Variants in CDH12 observed in about 807,000 individuals in gnomAD.
The protein encoded by CDH12 is cadherin 12, also known as cadherin-12.
CDH12 carries 41 observed loss-of-function variants against 74.1 expected under a neutral mutation model. That is an observed-to-expected ratio of 0.55 (90% confidence interval 0.43 to 0.72). The LOEUF (loss-of-function observed/expected upper bound fraction) is 0.72, where lower values mean the gene tolerates loss of function less well. Among genes scored for constraint, CDH12 ranks in the 30% least tolerant of loss-of-function variants. The pLI is 0.00. For synonymous variants in CDH12, 399 were observed against 355.0 expected (o/e 1.12, Z -1.39); for missense variants, 945 against 977.2 (o/e 0.97, Z 0.44).
At chr5:21,899,560 A>G (rs781055142) in intron 6 of CDH12, among the ~76,000 whole-genome samples, 2 of 152,158 alleles carry the variant, frequency 1.3e-5, no homozygotes, top group African/African-American at 2.4e-5. Flanking sequence ...AAACTCATTT[A>G]CAATTTAAAA....
In CDH12 at chr5:22,090,119, T is replaced by C. The variant is rs1223229752; in HGVS notation, c.-186-11257A>G. 2.6e-5 allele frequency among the ~76,000 whole-genome samples: 4 copies of C among 152,052 alleles called. No individual in the cohort carries two copies. In the East Asian group the frequency reaches 7.7e-4, roughly 29 times the overall value. ...AAATAAACACACCAAATTGTTCCTTTGAAAGGATTAACAAAATTAACAAAT... is the reference window on the plus strand; with the variant it reads ...AAATAAACACACCAAATTGTTCCTTCGAAAGGATTAACAAAATTAACAAAT... On this transcript the variant is annotated intron_variant, in intron 4 of 14. Transcript: ENST00000382254.
intron 3 of CDH12, among the ~76,000 whole-genome samples, chr5:22,219,542 C>T (rs1332543846): frequency 6.6e-6 from 1 of 151,654 alleles, no homozygotes; most frequent in African/African-American, 2.4e-5. Context: ...CTTTATTTCC[C>T]TTATTAAAAT....
At chr5:22,132,040 T>G (rs1195840272) in intron 4 of CDH12, among the ~76,000 whole-genome samples, 49 of 152,214 alleles carry the variant, frequency 3.2e-4, no homozygotes, top group African/African-American at 1.1e-3. Context: ...TATAGGATAT[T>G]TTGCCTTTGG....
chr5:22,008,938 C>T (rs1737126129), intron 5 of CDH12, among the ~76,000 whole-genome samples: 1 of 152,174 alleles, frequency 6.6e-6, no homozygotes, highest in African/African-American at 2.4e-5. Context: ...ATCTTCCATC[C>T]TCTTCTATGG....
At chr5:22,409,656 G>C (rs376250316) in intron 2 of CDH12, among the ~76,000 whole-genome samples, 1 of 151,982 alleles carries the variant, frequency 6.6e-6, no homozygotes, top group East Asian at 1.9e-4. Context: ...TATTATAATT[G>C]AGGACTAAGC....
chr5:22,535,156 T>TC lies in CDH12; in HGVS notation c.-522-29793_-522-29792insG, dbSNP rs1385226103. Among the ~76,000 whole-genome samples the TC allele has an allele frequency of 2.6e-4, 34 of 131,404 alleles. 1 individual carries two copies. The highest frequency in any genetic ancestry group is 9.6e-4 in the African/African-American group (34 of 35,352). 86.2% of individuals were successfully genotyped at this position (131,404 alleles called of 152,430 possible). ...CTGGCTAATTTTCTTTTTTTTTTTT[T>TC]TCTTTTTTTTTTTTTTTTGAGACGG... On this transcript the variant is annotated intron_variant, in intron 1 of 14. Transcript: ENST00000382254.
intron 1 of CDH12, among the ~76,000 whole-genome samples, chr5:22,653,776 TG>T (rs1739863844): frequency 6.6e-6 from 1 of 152,198 alleles, no homozygotes. Context: ...ATTCATACCG[TG>T]GTCCACACGT....
chr5:22,676,717 TCA>T (rs1434043483), intron 1 of CDH12, among the ~76,000 whole-genome samples: 1 of 152,202 alleles, frequency 6.6e-6, no homozygotes, highest in African/African-American at 2.4e-5. Context: ...ACATAAGTAT[TCA>T]CAGTGTGGTA....
intron 4 of CDH12, among the ~76,000 whole-genome samples, chr5:22,179,716 C>A (rs1352507688): frequency 6.6e-6 from 1 of 152,088 alleles, no homozygotes; most frequent in South Asian, 2.1e-4. Flanking sequence ...AATTAAGCAA[C>A]GATTTCAGAA....
chr5:22,695,838 G>A (rs1181226879), intron 1 of CDH12, among the ~76,000 whole-genome samples: 1 of 151,986 alleles, frequency 6.6e-6, no homozygotes, highest in Non-Finnish European at 1.5e-5. Context: ...CTTACTGTGT[G>A]CTCTGTGCAT....
chr5:22,422,782 T>G (rs567965957), intron 2 of CDH12, among the ~76,000 whole-genome samples: 13 of 152,256 alleles, frequency 8.5e-5, no homozygotes, highest in Admixed American at 3.9e-4. Flanking sequence ...AAATTATCCA[T>G]GAAATACCTC....
intron 3 of CDH12, among the ~76,000 whole-genome samples, chr5:22,258,823 GTGTAGGAGGCTATGCCACCTAGGT>G (rs1345132956): frequency 6.6e-6 from 1 of 152,156 alleles, no homozygotes; most frequent in Non-Finnish European, 1.5e-5. Context: ...TAGCCTAGGT[GTGTAGGAGGCTATGCCACCTAGGT>G]TTGCGTTAAG....
chr5:21,949,275 C>T (rs191403988), intron 6 of CDH12, among the ~76,000 whole-genome samples: 3,472 of 151,314 alleles, frequency 0.023, 63 homozygotes, highest in Middle Eastern at 0.034. Flanking sequence ...ATGGTGAAAC[C>T]CCATCTCTAC....
chr5:22,363,254 T>G (rs548354650), intron 3 of CDH12, among the ~76,000 whole-genome samples: 1 of 152,240 alleles, frequency 6.6e-6, no homozygotes, highest in African/African-American at 2.4e-5. Context: ...CATTACAAAC[T>G]TCTTAAATTT....
chr5:22,556,985 C>G (rs1738828526), intron 1 of CDH12, among the ~76,000 whole-genome samples: 1 of 151,946 alleles, frequency 6.6e-6, no homozygotes, highest in Non-Finnish European at 1.5e-5. Flanking sequence ...TCACACTGAC[C>G]AACCTCTCCG....
At chr5:21,934,689 ACT>A (rs923163470) in intron 6 of CDH12, among the ~76,000 whole-genome samples, 1 of 151,846 alleles carries the variant, frequency 6.6e-6, no homozygotes, top group African/African-American at 2.4e-5. Context: ...AGCACTAGAA[ACT>A]CTCTTTGATG....
intron 5 of CDH12, among the ~76,000 whole-genome samples, chr5:22,060,481 A>AAAAT (rs1291524187): frequency 1.3e-5 from 2 of 152,166 alleles, no homozygotes; most frequent in Admixed American, 1.3e-4. Flanking sequence ...AACTTCAAGT[A>AAAAT]AAATAAATAA....
chr5:22,808,273 C>T (rs1270363481), intron 1 of CDH12, among the ~76,000 whole-genome samples: 4 of 152,158 alleles, frequency 2.6e-5, no homozygotes, highest in African/African-American at 9.7e-5. Flanking sequence ...ACAATTAGAT[C>T]AGTGAATGCA....
rs112016229 is a variant in CDH12 at position 22,404,441 on chromosome 5, T to C, written c.-333+816A>G. 2.2e-4 allele frequency among the ~76,000 whole-genome samples: 34 copies of C among 152,226 alleles called. 1 individual carries two copies. The highest frequency in any genetic ancestry group is 7.0e-4 in the African/African-American group (29 of 41,494). On this transcript the variant is annotated intron_variant, in intron 3 of 14. Coordinates refer to ENST00000382254, the MANE Select transcript of CDH12 (RefSeq NM_004061.5). ...AGTATTTAACAGTTTATTTTATCCT[T>C]CTCATCAAGAAGCCTGCCCTTTTTT...
Sources: allele counts gnomAD v4.1 joint callset (sites outside exome capture counted in the v4.1 genomes callset), GRCh38; gene constraint gnomAD v4.1.1; transcripts MANE v1.5; gene names NCBI Gene and HGNC (gene_info 2026-07-23, HGNC 2026-07-21).